The following ASPRV1 variants were observed in gnomAD, a reference collection of about 807,000 sequenced individuals.
ASPRV1 encodes aspartic peptidase retroviral like 1.
Under a neutral mutation model 11.0 loss-of-function variants are expected in ASPRV1, and 7 were observed. That is an observed-to-expected ratio of 0.64 (90% CI 0.36 to 1.20). The LOEUF is 1.20. Among genes scored for constraint, ASPRV1 ranks in the 50% most tolerant of loss-of-function variants. The pLI, the probability that ASPRV1 is intolerant of heterozygous loss-of-function variation, is 0.02. For missense variants in ASPRV1, 299 were observed against 320.0 expected (o/e 0.93, Z 0.50); for synonymous variants, 136 against 138.4 (o/e 0.98, Z 0.12).
the ASPRV1 span, among the ~76,000 whole-genome samples, chr2:69,977,472 G>A: frequency 6.6e-6 from 1 of 152,170 alleles, no homozygotes; most frequent in Non-Finnish European, 1.5e-5. Flanking sequence ...GGGGCTGAAA[G>A]GCAGGAACCT....
At position 69,960,551 on chromosome 2, in the gene ASPRV1, A is replaced by G; in HGVS notation, c.*106T>C. On this transcript the variant is annotated 3_prime_UTR_variant, in exon 1 of 1. Coordinates refer to ENST00000320256, the MANE Select transcript of ASPRV1 (RefSeq NM_152792.4). The stretch of plus-strand genomic sequence containing the variant: ...AAAGGGGAGAGAAGAGCAAGAGTTG[A>G]TAAGCAGACTGGCCAAGCCCAGTGA... The G allele has an allele frequency of 1.6e-6, 2 of 1,221,922 alleles. No individual in the cohort carries two copies. The highest frequency in any genetic ancestry group is 4.7e-5 in the East Asian group (2 of 42,652). 75.7% of individuals were successfully genotyped at this position (1,221,922 alleles called of 1,614,324 possible).
Position 69,961,236 on chromosome 2 carries a change from A to G in ASPRV1, c.201T>C (p.Asn67=), listed in dbSNP as rs200484241. ...SLRGEALGVY[N]RLSPQDQGDY... is the part of the protein sequence containing the mutation. ...CTCCCTGGTCCTGGGGACTGAGCCTATTGTAGACACCCAGGGCCTCTCCTC... is the reference window on the plus strand; with the variant it reads ...CTCCCTGGTCCTGGGGACTGAGCCTGTTGTAGACACCCAGGGCCTCTCCTC... The change falls in exon 1 of 1, where the codon AAT becomes AAC. Residue 67 remains asparagine, a synonymous_variant. Coordinates refer to ENST00000320256, the MANE Select transcript of ASPRV1 (RefSeq NM_152792.4). 6.5e-5 allele frequency: 105 copies of G among 1,614,008 alleles called. No homozygotes were observed. The highest frequency in any genetic ancestry group is 8.5e-5 in the Non-Finnish European group (100 of 1,179,952).
the ASPRV1 span, among the ~76,000 whole-genome samples, chr2:69,951,503 A>T: frequency 2.1e-5 from 3 of 144,664 alleles, no homozygotes; most frequent in African/African-American, 5.4e-5. Flanking sequence ...ATGTATATTT[A>T]TATATATAGA....
At chr2:69,964,253 A>G (rs1330214048), upstream of ASPRV1, 2 of 394,220 alleles carry the variant, frequency 5.1e-6, no homozygotes, top group South Asian at 1.8e-5. Context: ...CTTCCCCACA[A>G]TCTTTAGAAT....
At chr2:70,074,741 C>A in the ASPRV1 span, among the ~76,000 whole-genome samples, 2 of 151,854 alleles carry the variant, frequency 1.3e-5, no homozygotes, top group Non-Finnish European at 2.9e-5. Flanking sequence ...GCTGGCCCTA[C>A]TACTCTTATA....
the ASPRV1 span, among the ~76,000 whole-genome samples, chr2:70,084,877 G>A: frequency 6.6e-6 from 1 of 152,136 alleles, no homozygotes; most frequent in Admixed American, 6.5e-5. Flanking sequence ...CCTATTAAAT[G>A]TTCGTAGAGT....
chr2:70,029,104 G>T, the ASPRV1 span, among the ~76,000 whole-genome samples: 1 of 152,068 alleles, frequency 6.6e-6, no homozygotes, highest in African/African-American at 2.4e-5. Context: ...GATGTCATTC[G>T]AGAGCAAACC....
chr2:69,988,068 A>G, the ASPRV1 span, among the ~76,000 whole-genome samples: 1 of 152,126 alleles, frequency 6.6e-6, no homozygotes, highest in Non-Finnish European at 1.5e-5. Context: ...GTGGGTATGT[A>G]AAGTAGTATA....
chr2:69,972,026 A>G, the ASPRV1 span, among the ~76,000 whole-genome samples: 1 of 151,748 alleles, frequency 6.6e-6, no homozygotes, highest in Non-Finnish European at 1.5e-5. Context: ...TCTTGCTTTC[A>G]TGGCTGTGAT....
At chr2:69,958,837 C>T (rs989930064), downstream of ASPRV1, among the ~76,000 whole-genome samples, 6 of 152,212 alleles carry the variant, frequency 3.9e-5, no homozygotes, top group Non-Finnish European at 8.8e-5. Context: ...CTCTCACCCC[C>T]TTCTCCAGTT....
downstream of ASPRV1, among the ~76,000 whole-genome samples, chr2:69,956,408 C>A (rs72910659): frequency 8.5e-6 from 1 of 117,198 alleles, no homozygotes; most frequent in Admixed American, 9.2e-5. Context: ...AAAAGCAAGA[C>A]CCTGTGAAGA....
the ASPRV1 span, among the ~76,000 whole-genome samples, chr2:70,042,391 G>A: frequency 5.3e-5 from 8 of 152,258 alleles, no homozygotes; most frequent in South Asian, 2.1e-4. Flanking sequence ...CTAGATGCAA[G>A]AAAAGGCTCT....
the ASPRV1 span, among the ~76,000 whole-genome samples, chr2:69,980,643 A>G: frequency 6.6e-6 from 1 of 152,248 alleles, no homozygotes; most frequent in Non-Finnish European, 1.5e-5. Context: ...TACCAATGTT[A>G]GTTTATTAGT....
At chr2:69,988,971 C>T in the ASPRV1 span, 1 of 331,354 alleles carries the variant, frequency 3.0e-6, no homozygotes, top group Non-Finnish European at 6.1e-6. Context: ...AAAAAGGCTG[C>T]CACCACTAAA....
chr2:70,055,286 C>T, the ASPRV1 span, among the ~76,000 whole-genome samples: 7 of 151,958 alleles, frequency 4.6e-5, no homozygotes, highest in African/African-American at 9.7e-5. Flanking sequence ...TGCCACTGGG[C>T]GACAGAGCAA....
chr2:70,013,555 C>G, the ASPRV1 span, among the ~76,000 whole-genome samples: 1 of 152,138 alleles, frequency 6.6e-6, no homozygotes, highest in African/African-American at 2.4e-5. Flanking sequence ...CTACTATTAT[C>G]TACATTTTTT....
At chr2:69,961,676 C>G, upstream of ASPRV1, 1 of 1,542,824 alleles carries the variant, frequency 6.5e-7, no homozygotes, top group Non-Finnish European at 8.7e-7. Context: ...AGGCTGGCCC[C>G]TGGGCTCCCC....
the ASPRV1 span, chr2:69,938,134 C>T: frequency 1.2e-6 from 2 of 1,614,216 alleles, no homozygotes; most frequent in Non-Finnish European, 1.7e-6. Flanking sequence ...CGGACTATCT[C>T]ACAGGTGATC....
At chr2:69,979,018 G>C in the ASPRV1 span, among the ~76,000 whole-genome samples, 1 of 152,106 alleles carries the variant, frequency 6.6e-6, no homozygotes, top group East Asian at 1.9e-4. Context: ...TGTCCCTGTT[G>C]CAGGGGACGT....
Sources: allele counts gnomAD v4.1 joint callset (sites outside exome capture counted in the v4.1 genomes callset), GRCh38; gene constraint gnomAD v4.1.1; transcripts MANE v1.5; gene names NCBI Gene and HGNC (gene_info 2026-07-23, HGNC 2026-07-21).